PDXDC1: variants seen among roughly 807,000 people sequenced by gnomAD.
PDXDC1 encodes the protein pyridoxal-dependent decarboxylase domain-containing protein 1.
In PDXDC1, 42 loss-of-function variants were observed where a neutral mutation model predicts 100.1. The observed-to-expected ratio is 0.42, with a 90% CI of 0.33 to 0.54. The LOEUF (loss-of-function observed/expected upper bound fraction) is 0.54, where lower values mean the gene tolerates loss of function less well. Ranked by LOEUF, PDXDC1 falls within the 20% of genes least tolerant of loss-of-function variation. The pLI is 0.10. For missense variants in PDXDC1, 636 were observed against 979.2 expected, an observed-to-expected ratio of 0.65 and a Z score of 4.68; for synonymous variants, 260 against 371.7, an observed-to-expected ratio of 0.70 and a Z score of 3.46.
chr16:15,083,498 G>A (rs1264602448), intron 16 of PDXDC1: 5 of 1,608,400 alleles, frequency 3.1e-6, no homozygotes, highest in Non-Finnish European at 4.2e-6. Context: ...TGTTCTCAAT[G>A]AAAAGATTTC....
intron 16 of PDXDC1, among the ~76,000 whole-genome samples, chr16:15,072,284 A>G (rs545482360): frequency 1.2e-4 from 19 of 152,092 alleles, no homozygotes; most frequent in African/African-American, 4.3e-4. Context: ...GAAAAGACAA[A>G]GCCTAAAGTT....
At chr16:15,044,660 A>G (rs529338721) in intron 16 of PDXDC1, 1 of 542,252 alleles carries the variant, frequency 1.8e-6, no homozygotes, top group Admixed American at 3.3e-5. Context: ...TGCCGCCTCC[A>G]TGCACCAGTG....
intron 16 of PDXDC1, chr16:15,121,806 A>G (rs1457131369): frequency 6.3e-6 from 1 of 158,764 alleles, no homozygotes; most frequent in Non-Finnish European, 1.2e-5. Flanking sequence ...GGGTTGGTTT[A>G]TGCTGGTGTA....
rs1429063890 is a variant in PDXDC1, at chr16:15,083,516, T to C, written c.1399+53460T>C. On this transcript the variant is annotated intron_variant, in intron 16 of 16. Coordinates refer to the PDXDC1 transcript ENST00000535621. ...TCTCAATGAAAAGATTTCTTACCAGTGTTCTCTCTGATTTTCGAACAAATG... is the reference window on the plus strand; with the variant it reads ...TCTCAATGAAAAGATTTCTTACCAGCGTTCTCTCTGATTTTCGAACAAATG... The C allele has an allele frequency of 5.6e-6, 9 of 1,609,362 alleles. No individual in the cohort carries two copies. In the South Asian group the frequency reaches 6.7e-5, roughly 12 times the overall value.
intron 1 of PDXDC1, among the ~76,000 whole-genome samples, chr16:14,979,184 A>G (rs1319374874): frequency 2.0e-5 from 3 of 152,294 alleles, no homozygotes; most frequent in Non-Finnish European, 4.4e-5. Flanking sequence ...GCCACATTTC[A>G]AGTGCTCAGC....
chr16:15,068,057 G>A lies in PDXDC1; in HGVS notation c.1399+38001G>A, dbSNP rs976349203. Reference sequence around the variant, plus strand: ...ATTACAGGTGTCAGCCACCACGCCTGGCCTTTTATAATGTTACTAATTTCA... The same window carrying A: ...ATTACAGGTGTCAGCCACCACGCCTAGCCTTTTATAATGTTACTAATTTCA... On this transcript the variant is annotated intron_variant, in intron 16 of 16. Transcript: ENST00000535621. 1.1e-5 allele frequency: 13 copies of A among 1,180,350 alleles called. No homozygotes were observed. In the African/African-American group the frequency reaches 1.9e-4, roughly 17 times the overall value. The allele number at this position is 1,180,350 out of a possible 1,614,324, so 73.1% of individuals were successfully genotyped here.
Position 15,031,137 on chromosome 16 carries a change from C to CTTT in PDXDC1, c.1400-598_1400-597insTTT, listed in dbSNP as rs1270155714. Among the ~76,000 whole-genome samples the CTTT allele has an allele frequency of 1.8e-3, 204 of 114,202 alleles. 11 individuals carry two copies. The highest frequency in any genetic ancestry group is 0.012 in the East Asian group (48 of 3,856). The allele number at this position is 114,202 out of a possible 152,430, so 74.9% of individuals were successfully genotyped here. ...ATTTTTTTTTTTTTTTTTTTTTTTC[C>CTTT]ATAGAGACGTGGTCTCACTCTGTCA... is the stretch of plus-strand genomic sequence containing the variant. On this transcript the variant is annotated intron_variant, in intron 16 of 22. Transcript: ENST00000396410.
intron 1 of PDXDC1, among the ~76,000 whole-genome samples, chr16:14,979,896 C>G (rs1416918765): frequency 2.6e-5 from 4 of 152,280 alleles, no homozygotes; most frequent in Admixed American, 2.0e-4. Context: ...GTTGAAATGA[C>G]CAGTTTCCGT....
intron 16 of PDXDC1, chr16:15,127,478 G>C (rs1304185122): frequency 6.4e-7 from 1 of 1,567,036 alleles, no homozygotes; most frequent in Admixed American, 1.8e-5. Flanking sequence ...ACCTTGCTCC[G>C]GGACATCCAG....
intron 16 of PDXDC1, among the ~76,000 whole-genome samples, chr16:15,116,469 G>A: frequency 4.4e-5 from 2 of 45,774 alleles, no homozygotes; most frequent in Non-Finnish European, 9.1e-5. Flanking sequence ...GACAGAGCGA[G>A]ACTCTGTCTC....
intron 16 of PDXDC1, among the ~76,000 whole-genome samples, chr16:15,093,064 T>A (rs1401487428): frequency 6.6e-6 from 1 of 152,014 alleles, no homozygotes; most frequent in Admixed American, 6.6e-5. Context: ...AGTGCAGTGG[T>A]GTGATCTTGG....
chr16:15,072,573 C>T (rs1315157310), intron 16 of PDXDC1, among the ~76,000 whole-genome samples: 6 of 152,002 alleles, frequency 3.9e-5, no homozygotes, highest in Non-Finnish European at 5.9e-5. Flanking sequence ...GGGCAGGAGG[C>T]GGGCAGATCA....
At chr16:14,989,076 T>C (rs1970089026) in intron 1 of PDXDC1, 1 of 1,614,234 alleles carries the variant, frequency 6.2e-7, no homozygotes, top group South Asian at 1.1e-5. Context: ...GAGCGTCAGG[T>C]TCACGGTGAG....
At chr16:15,065,308 G>T (rs771100252) in intron 16 of PDXDC1, 1 of 1,613,736 alleles carries the variant, frequency 6.2e-7, no homozygotes, top group Non-Finnish European at 8.5e-7. Flanking sequence ...TACTCCTAAT[G>T]ACTGGCAGCA....
At chr16:15,071,782 C>CA (rs994769689) in intron 16 of PDXDC1, among the ~76,000 whole-genome samples, 4 of 152,104 alleles carry the variant, frequency 2.6e-5, no homozygotes, top group African/African-American at 9.6e-5. Flanking sequence ...AACAAACAAA[C>CA]AAAAAACAAC....
chr16:14,998,879 G>A (rs547378201), intron 3 of PDXDC1, among the ~76,000 whole-genome samples: 147 of 152,326 alleles, frequency 9.7e-4, no homozygotes, highest in Non-Finnish European at 1.5e-3. Flanking sequence ...TCGTTGGCTG[G>A]TTGGTGATAT....
chr16:15,038,250 T>TGCTGTCCCCTGCTGTG lies in PDXDC1; in HGVS notation c.*1975_*1976insGCTGTCCCCTGCTGTG, dbSNP rs1190154239. On this transcript the variant is annotated 3_prime_UTR_variant, in exon 23 of 23. Transcript: ENST00000396410. ...TGGTGGGCATTAGAGAAGCCAACCT[T>TGCTGTCCCCTGCTGTG]ACTGTCCCCTGCTGTGATAAAGATG... 1 of 1,418,834 alleles carries TGCTGTCCCCTGCTGTG rather than the reference T, an allele frequency of 7.0e-7. No homozygotes were observed. Among genetic ancestry groups the TGCTGTCCCCTGCTGTG allele is most frequent in the African/African-American group, 1.4e-5 (1 of 70,764 alleles). The allele number at this position is 1,418,834 out of a possible 1,614,324, so 87.9% of individuals were successfully genotyped here. A position where few individuals can be genotyped will look rare whatever the true frequency, so the allele number is the denominator to read the frequency against.
At chr16:15,041,087 A>T (rs1485638793), downstream of PDXDC1, 1 of 1,602,432 alleles carries the variant, frequency 6.2e-7, no homozygotes, top group Admixed American at 1.7e-5. Flanking sequence ...ATATTACTGG[A>T]AAGTGGTTTT....
chr16:15,128,965 C>T (rs1346709750), intron 16 of PDXDC1, among the ~76,000 whole-genome samples: 5 of 150,138 alleles, frequency 3.3e-5, no homozygotes, highest in African/African-American at 4.9e-5. Context: ...GCCAACACGC[C>T]GGCCTAATTT....
Sources: gnomAD v4.1 joint callset for allele counts (sites outside exome capture counted in the v4.1 genomes callset) on GRCh38, gnomAD v4.1.1 for gene constraint, MANE v1.5 for transcripts, NCBI Gene and HGNC (gene_info 2026-07-23, HGNC 2026-07-21) for gene names.